Variants in NR6A1 observed in about 807,000 individuals in gnomAD.
The protein encoded by NR6A1 is nuclear receptor subfamily 6 group A member 1.
In NR6A1, 7 loss-of-function variants were observed where a neutral mutation model predicts 59.1. The observed-to-expected ratio is 0.12, with a 90% CI of 0.07 to 0.22. NR6A1 has a LOEUF of 0.22. Ranked by LOEUF, NR6A1 falls within the 10% of genes least tolerant of loss-of-function variation. The pLI is 1.00. For synonymous variants in NR6A1, 243 were observed against 236.1 expected, an observed-to-expected ratio of 1.03 and a Z score of -0.27; for missense variants, 468 against 611.6, an observed-to-expected ratio of 0.77 and a Z score of 2.48.
chr9:124,673,443 T>C (rs144528337), intron 2 of NR6A1, among the ~76,000 whole-genome samples: 148 of 152,000 alleles, frequency 9.7e-4, no homozygotes, highest in Middle Eastern at 3.4e-3. Flanking sequence ...AAAATAAATT[T>C]ACAATCCTAA....
At chr9:124,693,448 T>C (rs1242072786) in intron 2 of NR6A1, among the ~76,000 whole-genome samples, 3 of 152,212 alleles carry the variant, frequency 2.0e-5, no homozygotes, top group South Asian at 2.1e-4. Flanking sequence ...CAGGTACTAA[T>C]ATGCAAGCAC....
intron 2 of NR6A1, among the ~76,000 whole-genome samples, chr9:124,714,397 A>G (rs960218768): frequency 5.3e-5 from 8 of 152,230 alleles, no homozygotes; most frequent in African/African-American, 1.7e-4. Context: ...TACGTCATGT[A>G]TATTTTACCA....
intron 2 of NR6A1, among the ~76,000 whole-genome samples, chr9:124,710,548 T>C (rs577096194): frequency 1.3e-5 from 2 of 152,302 alleles, no homozygotes; most frequent in Admixed American, 6.5e-5. Context: ...CTTCCCAACC[T>C]CTTAGCCCCA....
At chr9:124,544,528 A>G (rs559883042) in intron 3 of NR6A1, among the ~76,000 whole-genome samples, 42 of 152,234 alleles carry the variant, frequency 2.8e-4, no homozygotes, top group Non-Finnish European at 4.6e-4. Flanking sequence ...GGACCACGGT[A>G]TTAGGCAATC....
At chr9:124,742,549 A>G (rs1391646693) in intron 1 of NR6A1, among the ~76,000 whole-genome samples, 2 of 149,970 alleles carry the variant, frequency 1.3e-5, no homozygotes, top group East Asian at 4.0e-4. Flanking sequence ...AGGAAGAGCG[A>G]AACTTCGTCT....
intron 2 of NR6A1, among the ~76,000 whole-genome samples, chr9:124,686,861 G>A (rs1256631080): frequency 6.6e-6 from 1 of 151,730 alleles, no homozygotes; most frequent in Non-Finnish European, 1.5e-5. Context: ...ACACCGCCAC[G>A]CTCAGCTAAT....
chr9:124,529,955 G>A (rs966218781), intron 7 of NR6A1, among the ~76,000 whole-genome samples: 3 of 152,288 alleles, frequency 2.0e-5, no homozygotes, highest in East Asian at 1.9e-4. Context: ...AGGACACAAC[G>A]GGAGAGGCAG....
intron 2 of NR6A1, among the ~76,000 whole-genome samples, chr9:124,567,274 G>T (rs1834286545): frequency 6.6e-6 from 1 of 152,140 alleles, no homozygotes; most frequent in African/African-American, 2.4e-5. Flanking sequence ...GAACTCCAAG[G>T]GGTGGGGGTT....
At chr9:124,753,101 A>G (rs899124752) in intron 1 of NR6A1, among the ~76,000 whole-genome samples, 2 of 152,210 alleles carry the variant, frequency 1.3e-5, no homozygotes, top group African/African-American at 4.8e-5. Flanking sequence ...CAAGGAAACC[A>G]CTGGATGATT....
intron 5 of NR6A1, among the ~76,000 whole-genome samples, chr9:124,539,782 C>T (rs559584175): frequency 9.8e-5 from 15 of 152,302 alleles, no homozygotes; most frequent in South Asian, 4.1e-4. Flanking sequence ...GAAGAATGCA[C>T]GGGCATGGAT....
rs756471869 is a variant in NR6A1 at position 124,595,755 on chromosome 9, A to G, written c.143-41185T>C. 8 of 1,284,590 alleles carry G rather than the reference A, an allele frequency of 6.2e-6. No homozygotes were observed. The South Asian group carries it at 7.4e-5, about 12-fold the overall frequency. 79.6% of individuals were successfully genotyped at this position (1,284,590 alleles called of 1,614,324 possible). A position where few individuals can be genotyped will look rare whatever the true frequency, so the allele number is the denominator to read the frequency against. The stretch of plus-strand genomic sequence containing the variant: ...GCCCCAGACTGTTCCTTACCTTCCC[A>G]TGTCTCCATTTCATGCTTCTTGTAG... On this transcript the variant is annotated intron_variant, in intron 2 of 9. Transcript: ENST00000487099.
rs1360156364 is a variant in NR6A1, at chr9:124,619,874, C to T, written c.143-65304G>A. ...GCCAGGAGTTCGAGACCAGCCTGAC[C>T]AATATGGTGAAACCCCGTCTCTACT... On this transcript the variant is annotated intron_variant, in intron 2 of 9. Transcript: ENST00000487099. Among the ~76,000 whole-genome samples, 4 of 152,194 alleles carry T rather than the reference C, an allele frequency of 2.6e-5. No individual in the cohort carries two copies. The East Asian group carries it at 7.8e-4, about 29-fold the overall frequency.
intron 6 of NR6A1, among the ~76,000 whole-genome samples, chr9:124,537,378 C>T (rs919482824): frequency 6.6e-6 from 1 of 152,200 alleles, no homozygotes; most frequent in Non-Finnish European, 1.5e-5. Context: ...TGAGCCACCA[C>T]GCCCGGCTTC....
intron 2 of NR6A1, among the ~76,000 whole-genome samples, chr9:124,585,666 T>C (rs1834909833): frequency 6.6e-6 from 1 of 150,818 alleles, no homozygotes; most frequent in African/African-American, 2.4e-5. Context: ...ATGTTCAGTA[T>C]AGATGAAGGG....
chr9:124,657,360 G>C (rs1837290612), intron 2 of NR6A1, among the ~76,000 whole-genome samples: 1 of 152,088 alleles, frequency 6.6e-6, no homozygotes, highest in Non-Finnish European at 1.5e-5. Flanking sequence ...GAAATAAACA[G>C]AACTATTGGT....
At chr9:124,734,728 C>A (rs956753340) in intron 1 of NR6A1, among the ~76,000 whole-genome samples, 1 of 152,030 alleles carries the variant, frequency 6.6e-6, no homozygotes, top group Admixed American at 6.6e-5. Flanking sequence ...AAAATTAGGA[C>A]TAGAGGGGTA....
At chr9:124,763,326 T>C (rs556177486) in intron 1 of NR6A1, among the ~76,000 whole-genome samples, 12 of 152,370 alleles carry the variant, frequency 7.9e-5, no homozygotes, top group African/African-American at 2.9e-4. Flanking sequence ...CCTTGATTTC[T>C]GGTAAGGGAC....
chr9:124,651,328 G>C (rs1837097866), intron 2 of NR6A1, among the ~76,000 whole-genome samples: 1 of 152,156 alleles, frequency 6.6e-6, no homozygotes, highest in Non-Finnish European at 1.5e-5. Context: ...CAAAGTGCTG[G>C]AATTACAGGC....
intron 2 of NR6A1, among the ~76,000 whole-genome samples, chr9:124,651,392 C>CA (rs1460162884): frequency 1.3e-5 from 2 of 152,124 alleles, no homozygotes; most frequent in African/African-American, 2.4e-5. Context: ...TTATCTCAGC[C>CA]AAAAATTGAA....
Sources: allele counts gnomAD v4.1 joint callset (sites outside exome capture counted in the v4.1 genomes callset), GRCh38; gene constraint gnomAD v4.1.1; transcripts MANE v1.5; gene names NCBI Gene and HGNC (gene_info 2026-07-23, HGNC 2026-07-21).